PARP16: variants seen among roughly 807,000 people sequenced by gnomAD.
The protein encoded by PARP16 is protein mono-ADP-ribosyltransferase PARP16.
In PARP16, 31 loss-of-function variants were observed where a neutral mutation model predicts 35.0. The ratio of observed to expected loss-of-function variants is 0.88; its 90% confidence interval spans 0.66 to 1.19. The LOEUF is 1.19. PARP16 is among the 50% of genes most tolerant of loss of function. The probability of loss-of-function intolerance (pLI) is 0.00; values close to 1 mark genes in which losing one functional copy is unlikely to be tolerated. For synonymous variants in PARP16, 162 were observed against 169.5 expected (o/e 0.96, Z 0.34); for missense variants, 424 against 411.2 (o/e 1.03, Z -0.27).
At chr15:65,247,140 G>T (rs747944953) in intron 3 of PARP16, among the ~76,000 whole-genome samples, 4 of 152,042 alleles carry the variant, frequency 2.6e-5, no homozygotes, top group Non-Finnish European at 4.4e-5. Context: ...ATCGGCACAG[G>T]TCATCAAGCT....
intron 1 of PARP16, chr15:65,285,600 C>T (rs1196619848): frequency 7.6e-6 from 2 of 263,368 alleles, no homozygotes; most frequent in Non-Finnish European, 1.6e-5. Flanking sequence ...AGTTCAGTGT[C>T]TTTAATGAAT....
rs1467367415 is a variant in PARP16, at chr15:65,270,947, T to A, written c.300A>T (p.Ala100=). The A allele has an allele frequency of 6.2e-7, 1 of 1,614,178 alleles. No individual in the cohort carries two copies. The highest frequency in any genetic ancestry group is 1.7e-5 in the Admixed American group (1 of 60,010). ...ACCAAAGTCTCACCTCTGCCTTCCC[T>A]GCACTGTGGATTGTCAGGACCTTTG... ...LSSKVLTIHS[A]GKAEFEKIQK... The change falls in exon 2 of 6, where the codon GCA becomes GCT. Residue 100 remains alanine (A), a synonymous_variant. Coordinates refer to ENST00000649807, the MANE Select transcript of PARP16 (RefSeq NM_001316943.2).
intron 2 of PARP16, among the ~76,000 whole-genome samples, chr15:65,267,585 CG>C (rs1298770616): frequency 4.2e-5 from 5 of 120,444 alleles, no homozygotes; most frequent in African/African-American, 1.7e-4. Flanking sequence ...CCAGCCTGGG[CG>C]ACAGAGCGAG....
intron 2 of PARP16, among the ~76,000 whole-genome samples, chr15:65,252,897 G>A (rs1049798369): frequency 1.3e-5 from 2 of 152,188 alleles, no homozygotes; most frequent in Non-Finnish European, 2.9e-5. Context: ...GGGAGGTCAA[G>A]GTGGGCAGAT....
In PARP16 at chr15:65,258,236, C is replaced by T. The variant is rs1329895676; in HGVS notation, c.*1171G>A. The T allele has an allele frequency of 6.6e-6, 1 of 152,166 alleles. No homozygotes were observed. The highest frequency in any genetic ancestry group is 2.4e-5 in the African/African-American group (1 of 41,434). 9.4% of individuals were successfully genotyped at this position (152,166 alleles called of 1,614,324 possible). A position where few individuals can be genotyped will look rare whatever the true frequency, so the allele number is the denominator to read the frequency against. ...CTTTACAGAAATGTCACTCCCAAAT[C>T]GTACCGGGCCCTATTATGGCTAAAA... On this transcript the variant is annotated 3_prime_UTR_variant, in exon 6 of 6. Coordinates refer to ENST00000649807, the MANE Select transcript of PARP16 (RefSeq NM_001316943.2).
chr15:65,234,009 T>C (rs190017851), downstream of PARP16, among the ~76,000 whole-genome samples: 351 of 152,312 alleles, frequency 2.3e-3, 4 homozygotes, highest in African/African-American at 8.0e-3. Context: ...TATCTTAACG[T>C]AGATATTGAG....
intron 3 of PARP16, among the ~76,000 whole-genome samples, chr15:65,245,098 G>T (rs958823822): frequency 3.3e-5 from 5 of 152,224 alleles, no homozygotes; most frequent in Non-Finnish European, 7.3e-5. Context: ...AGGCTATAGA[G>T]CCTGTCCCAA....
intron 1 of PARP16, among the ~76,000 whole-genome samples, chr15:65,273,344 C>A (rs1391180625): frequency 6.9e-6 from 1 of 145,210 alleles, no homozygotes; most frequent in Admixed American, 7.1e-5. Context: ...CTATTACTGA[C>A]TTTGGGAGTT....
rs138054468 is a variant in PARP16, at chr15:65,259,825, A to C, written c.834-283T>G. Among the ~76,000 whole-genome samples, 3 of 152,280 alleles carry C rather than the reference A, an allele frequency of 2.0e-5. No homozygotes were observed. The East Asian group carries it at 5.8e-4, about 29-fold the overall frequency. On this transcript the variant is annotated intron_variant, in intron 5 of 5. Coordinates refer to ENST00000649807, the MANE Select transcript of PARP16 (RefSeq NM_001316943.2). ...GCTCCTCTTTTACCATTTACAACCC[A>C]TCTTGGTATCTATAACAATGACCTA...
chr15:65,255,743 G>GAAAA (rs56665485), downstream of PARP16, among the ~76,000 whole-genome samples: 2 of 57,146 alleles, frequency 3.5e-5, no homozygotes, highest in Non-Finnish European at 3.1e-5. Flanking sequence ...AGAAAACTCA[G>GAAAA]AAAAAAAAAA....
At chr15:65,256,622 C>T (rs983552417), downstream of PARP16, among the ~76,000 whole-genome samples, 10 of 151,874 alleles carry the variant, frequency 6.6e-5, no homozygotes, top group East Asian at 1.9e-4. Context: ...TTAGCCAGGA[C>T]GGTCTCAATC....
chr15:65,270,966 A>G lies in PARP16; in HGVS notation c.281T>C (p.Val94Ala). Reference sequence around the variant, plus strand: ...CTTCCCTGCACTGTGGATTGTCAGGACCTTTGAGGATAAAATCCAGCTCAC... The same window carrying G: ...CTTCCCTGCACTGTGGATTGTCAGGGCCTTTGAGGATAAAATCCAGCTCAC... Reference protein sequence around the residue: ...DLVSWILSSKVLTIHSAGKAE... With the variant: ...DLVSWILSSKALTIHSAGKAE... The change falls in exon 2 of 6, where the codon GTC becomes GCC. Residue 94 changes from valine to alanine, a missense_variant. Physicochemically the swap from Val to Ala is moderately conservative, Grantham distance 64. Transcript: ENST00000649807. The G allele has an allele frequency of 6.2e-7, 1 of 1,614,104 alleles. No individual in the cohort carries two copies.
chr15:65,264,952 CA>C (rs1238725974), intron 3 of PARP16, among the ~76,000 whole-genome samples: 2 of 152,216 alleles, frequency 1.3e-5, no homozygotes, highest in African/African-American at 4.8e-5. Flanking sequence ...GTATAATCTG[CA>C]GGCAACTTCT....
chr15:65,247,283 C>T (rs1041078229), intron 3 of PARP16, among the ~76,000 whole-genome samples: 2 of 152,248 alleles, frequency 1.3e-5, no homozygotes, highest in East Asian at 3.9e-4. Flanking sequence ...GCATGAACCG[C>T]CACACCTGGC....
intron 1 of PARP16, among the ~76,000 whole-genome samples, chr15:65,271,695 AC>A (rs2090100154): frequency 6.6e-6 from 1 of 152,130 alleles, no homozygotes; most frequent in South Asian, 2.1e-4. Flanking sequence ...AGGAATATTA[AC>A]ATGCCATGAG....
At chr15:65,238,923 G>A (rs1041626482) in intron 3 of PARP16, among the ~76,000 whole-genome samples, 1 of 152,164 alleles carries the variant, frequency 6.6e-6, no homozygotes, top group Non-Finnish European at 1.5e-5. Context: ...AAGGCCATGA[G>A]TTTGAGACCA....
At chr15:65,279,208 C>T (rs1169246109) in intron 1 of PARP16, among the ~76,000 whole-genome samples, 1 of 141,622 alleles carries the variant, frequency 7.1e-6, no homozygotes, top group East Asian at 2.0e-4. Flanking sequence ...GAAGATAATA[C>T]TAAAACCTAC....
intron 1 of PARP16, among the ~76,000 whole-genome samples, chr15:65,276,550 C>T (rs1595713692): frequency 1.3e-5 from 2 of 151,964 alleles, no homozygotes; most frequent in South Asian, 4.2e-4. Context: ...ATTTTTTGTA[C>T]AGACAGGGTT....
Position 65,273,984 on chromosome 15 carries a change from G to A in PARP16, c.175-2912C>T, listed in dbSNP as rs188686736. On this transcript the variant is annotated intron_variant, in intron 1 of 5. Transcript: ENST00000649807. Reference sequence around the variant, plus strand: ...AAAATTTTTTTGGAGACAGGGTCACGCTCTGTTGCCCAGGCTGGAGTGCAG... The same window carrying A: ...AAAATTTTTTTGGAGACAGGGTCACACTCTGTTGCCCAGGCTGGAGTGCAG... Among the ~76,000 whole-genome samples, 8 of 152,002 alleles carry A rather than the reference G, an allele frequency of 5.3e-5. No homozygotes were observed. The East Asian group carries it at 9.7e-4, about 18-fold the overall frequency.
Sources: allele counts gnomAD v4.1 joint callset (sites outside exome capture counted in the v4.1 genomes callset), GRCh38; gene constraint gnomAD v4.1.1; transcripts MANE v1.5; gene names NCBI Gene and HGNC (gene_info 2026-07-23, HGNC 2026-07-21).